The following NBEAL1 variants were observed in gnomAD, a reference collection of about 807,000 sequenced individuals.
The protein encoded by NBEAL1 is neurobeachin like 1.
In NBEAL1, 273 loss-of-function variants were observed where a neutral mutation model predicts 351.3. The observed-to-expected ratio is 0.78, with a 90% confidence interval of 0.70 to 0.86. The LOEUF is 0.86. Among genes scored for constraint, NBEAL1 ranks in the 40% least tolerant of loss-of-function variants. The probability of loss-of-function intolerance (pLI) is 0.00; values close to 1 mark genes in which losing one functional copy is unlikely to be tolerated. For synonymous variants in NBEAL1, 1,050 were observed against 1,086.4 expected (o/e 0.97, Z 0.66); for missense variants, 2,961 against 3,201.3 (o/e 0.92, Z 1.81).
intron 9 of NBEAL1, 26 bp from the exon 10 acceptor site, chr2:203,084,436 TG>T: frequency 8.1e-7 from 1 of 1,236,366 alleles, no homozygotes; most frequent in South Asian, 1.7e-5. Context: ...CATTTTTACA[TG>T]GATGATTTTC....
intron 6 of NBEAL1, among the ~76,000 whole-genome samples, chr2:203,059,164 G>C (rs1470185324): frequency 1.3e-5 from 2 of 152,142 alleles, no homozygotes; most frequent in Non-Finnish European, 2.9e-5. Flanking sequence ...ATAACTGAGA[G>C]AACATTTATA....
At chr2:203,112,714 CAG>C (rs2062600164) in intron 16 of NBEAL1, among the ~76,000 whole-genome samples, 1 of 152,032 alleles carries the variant, frequency 6.6e-6, no homozygotes, top group Admixed American at 6.6e-5. Flanking sequence ...TTTTCAAAAA[CAG>C]TGAAGTTAAA....
In NBEAL1 at chr2:203,057,881, G is replaced by A. The variant is rs184144674; in HGVS notation, c.515+428G>A. 1.9e-3 allele frequency among the ~76,000 whole-genome samples: 287 copies of A among 149,632 alleles called. 2 individuals carry two copies. The highest frequency in any genetic ancestry group is 6.3e-3 in the African/African-American group (257 of 40,660). On this transcript the variant is annotated intron_variant, in intron 6 of 55. Coordinates refer to ENST00000683969, the MANE Select transcript of NBEAL1 (RefSeq NM_001378026.1). ...AGACAGAGTCTTGCTCTGTTGCCAG[G>A]CTGGAGTGCAGTGGCACAGTGGCAT...
At chr2:203,059,987 C>T (rs913852953) in intron 6 of NBEAL1, among the ~76,000 whole-genome samples, 1 of 152,226 alleles carries the variant, frequency 6.6e-6, no homozygotes, top group African/African-American at 2.4e-5. Context: ...AAGTATATCT[C>T]CTCCTCTTCC....
intron 2 of NBEAL1, among the ~76,000 whole-genome samples, chr2:203,026,220 T>C (rs2060853474): frequency 6.6e-6 from 1 of 152,224 alleles, no homozygotes; most frequent in African/African-American, 2.4e-5. Flanking sequence ...TGTTTTTTTG[T>C]GTATAACCAC....
chr2:203,201,624 G>A lies in NBEAL1; in HGVS notation c.7320G>A (p.Lys2440=). Residue 2440 remains lysine, a synonymous_variant, in exon 50 of 56, where the codon AAG becomes AAA. Coordinates refer to ENST00000683969, the MANE Select transcript of NBEAL1 (RefSeq NM_001378026.1). The part of the protein sequence containing the change: ...SKLFVVSHDA[K]LLFSAGYWDN... ...TATTTGTAGTATCACATGATGCAAAGTTGCTCTTCAGTGCTGGATACTGGG... is the reference window on the plus strand; with the variant it reads ...TATTTGTAGTATCACATGATGCAAAATTGCTCTTCAGTGCTGGATACTGGG... 4 of 1,612,770 alleles carry A rather than the reference G, an allele frequency of 2.5e-6. No homozygotes were observed. The highest frequency in any genetic ancestry group is 3.4e-6 in the Non-Finnish European group (4 of 1,179,334).
At position 203,138,600 on chromosome 2, in the gene NBEAL1, AT is replaced by A; in HGVS notation, c.4720-13del. On this transcript the variant is annotated intron_variant, in intron 30 of 55. Coordinates refer to ENST00000683969, the MANE Select transcript of NBEAL1 (RefSeq NM_001378026.1). Reference sequence around the variant, plus strand: ...AAAAACTGAATGTTTTTATTTCTCAATTTTTTTCCTTTGTGATAGCTTTTAG... The same window carrying A: ...AAAAACTGAATGTTTTTATTTCTCAATTTTTTCCTTTGTGATAGCTTTTAG... 1.9e-6 allele frequency: 3 copies of A among 1,567,040 alleles called. No homozygotes were observed. Among genetic ancestry groups the A allele is most frequent in the Admixed American group, 4.3e-5 (2 of 46,588 alleles).
In NBEAL1 at chr2:203,084,580, A is replaced by G. The variant is rs1322751630; in HGVS notation, c.1098+11A>G. 1 of 1,413,622 alleles carries G rather than the reference A, an allele frequency of 7.1e-7. No individual in the cohort carries two copies. The highest frequency in any genetic ancestry group is 9.5e-7 in the Non-Finnish European group (1 of 1,053,584). The allele number at this position is 1,413,622 out of a possible 1,614,324, so 87.6% of individuals were successfully genotyped here. A position where few individuals can be genotyped will look rare whatever the true frequency, so the allele number is the denominator to read the frequency against. On this transcript the variant is annotated intron_variant, in intron 10 of 55. Coordinates refer to ENST00000683969, the MANE Select transcript of NBEAL1 (RefSeq NM_001378026.1). ...CTACAGAACTGCAAGGTATTTTTCT[A>G]TTATTGTTGTTGTCTTTGATTTTAA...
intron 51 of NBEAL1, among the ~76,000 whole-genome samples, chr2:203,203,184 C>CT (rs558808363): frequency 6.6e-4 from 98 of 148,130 alleles, no homozygotes; most frequent in East Asian, 3.9e-3. Context: ...GTTTTCTTTT[C>CT]TTTTTTTTTT....
chr2:203,179,291 G>A (rs2064624721), intron 42 of NBEAL1, among the ~76,000 whole-genome samples: 1 of 152,176 alleles, frequency 6.6e-6, no homozygotes, highest in South Asian at 2.1e-4. Flanking sequence ...TAGACGCAGT[G>A]CCCATGATTA....
At chr2:203,125,240 G>C in intron 19 of NBEAL1, 112 bp from the exon 20 acceptor site, 1 of 769,036 alleles carries the variant, frequency 1.3e-6, no homozygotes, top group Non-Finnish European at 1.9e-6. Context: ...AGGTTATCCT[G>C]TACATTGCTC....
chr2:203,155,700 A>G (rs2063780982), intron 35 of NBEAL1, among the ~76,000 whole-genome samples: 1 of 152,116 alleles, frequency 6.6e-6, no homozygotes. Flanking sequence ...CTTCCACCTC[A>G]GCCTCCCAGA....
rs1210638582 is a variant in NBEAL1, at chr2:203,225,155, G to A, written c.*7801G>A. Among the ~76,000 whole-genome samples, 1 of 152,088 alleles carries A rather than the reference G, an allele frequency of 6.6e-6. No individual in the cohort carries two copies. The highest frequency in any genetic ancestry group is 6.5e-5 in the Admixed American group (1 of 15,272). On this transcript the variant is annotated 3_prime_UTR_variant, in exon 56 of 56. Coordinates refer to ENST00000683969, the MANE Select transcript of NBEAL1 (RefSeq NM_001378026.1). ...ATAAATTAGCTTTGTATATGAAAAT[G>A]GGTTTGAATCAAATAAAAAAAGTGA...
At chr2:203,089,128 G>A (rs1038385125) in intron 10 of NBEAL1, among the ~76,000 whole-genome samples, 15 of 152,126 alleles carry the variant, frequency 9.9e-5, no homozygotes, top group African/African-American at 3.6e-4. Context: ...GGAGGCCGAG[G>A]CAGGCAGATC....
At position 203,137,378 on chromosome 2, in the gene NBEAL1, G is replaced by A. The variant is rs186222795; in HGVS notation, c.4565+604G>A. ...CCAAGACAGTCCTTCTTCCAGTGTG[G>A]CTCAGGTAAGCCAAAAGATTGGACA... On this transcript the variant is annotated intron_variant, in intron 29 of 55. Coordinates refer to ENST00000683969, the MANE Select transcript of NBEAL1 (RefSeq NM_001378026.1). Among the ~76,000 whole-genome samples the A allele has an allele frequency of 3.4e-4, 52 of 152,186 alleles. 1 individual carries two copies. The highest frequency in any genetic ancestry group is 2.9e-3 in the Admixed American group (45 of 15,278).
At position 203,209,199 on chromosome 2, in the gene NBEAL1, G is replaced by A. The variant is rs1376638183; in HGVS notation, c.7662G>A (p.Gln2554=). 2 of 1,613,670 alleles carry A rather than the reference G, an allele frequency of 1.2e-6. No individual in the cohort carries two copies. Among genetic ancestry groups the A allele is most frequent in the Non-Finnish European group, 1.7e-6 (2 of 1,179,622 alleles). The change falls in exon 53 of 56, where the codon CAG becomes CAA. Residue 2554 remains glutamine, a synonymous_variant. Coordinates refer to ENST00000683969, the MANE Select transcript of NBEAL1 (RefSeq NM_001378026.1). ...TVIIHTIQKG[Q]YMRTLRPPCE... ...TTATACATACCATTCAGAAAGGTCAGTACATGAGGACTTTACGACCACCTT... is the reference window on the plus strand; with the variant it reads ...TTATACATACCATTCAGAAAGGTCAATACATGAGGACTTTACGACCACCTT...
At chr2:203,111,543 G>A (rs1020225145) in intron 15 of NBEAL1, among the ~76,000 whole-genome samples, 29 of 151,802 alleles carry the variant, frequency 1.9e-4, no homozygotes, top group African/African-American at 6.8e-4. Context: ...GCTAATGTTT[G>A]TATTTTTTAG....
rs2062944217 is a variant in NBEAL1 at position 203,126,714 on chromosome 2, T to A, written c.3143T>A (p.Ile1048Asn). The A allele has an allele frequency of 6.6e-7, 1 of 1,506,044 alleles. No homozygotes were observed. The highest frequency in any genetic ancestry group is 8.9e-7 in the Non-Finnish European group (1 of 1,127,306). The allele number at this position is 1,506,044 out of a possible 1,614,324, so 93.3% of individuals were successfully genotyped here. A position where few individuals can be genotyped will look rare whatever the true frequency, so the allele number is the denominator to read the frequency against. Reference protein sequence around the residue: ...IWNRGDFPFRIGHIQYLSTII... With the variant: ...IWNRGDFPFRNGHIQYLSTII... ...AACCGTGGAGATTTTCCCTTTCGAA[T>A]CGGTGAGAGCAGGCTTTCAGATAAA... The change falls in exon 22 of 56, where the codon ATC (isoleucine) becomes AAC (asparagine). Residue 1048 changes from isoleucine (I) to asparagine (N), a missense_variant and splice_region_variant. Coordinates refer to ENST00000683969, the MANE Select transcript of NBEAL1 (RefSeq NM_001378026.1).
intron 36 of NBEAL1, among the ~76,000 whole-genome samples, chr2:203,163,747 G>A (rs1050935355): frequency 6.6e-6 from 1 of 152,262 alleles, no homozygotes; most frequent in South Asian, 2.1e-4. Context: ...TTATTGATGA[G>A]TGGTATTTGT....
Sources: allele counts gnomAD v4.1 joint callset (sites outside exome capture counted in the v4.1 genomes callset), GRCh38; gene constraint gnomAD v4.1.1; transcripts MANE v1.5; gene names NCBI Gene and HGNC (gene_info 2026-07-23, HGNC 2026-07-21).